TNKS: variants seen among roughly 807,000 people sequenced by gnomAD.
The protein encoded by TNKS is poly [ADP-ribose] polymerase tankyrase-1.
A neutral mutation model predicts 135.8 loss-of-function variants in TNKS; 72 were observed. The ratio of observed to expected loss-of-function variants is 0.53; its 90% CI spans 0.44 to 0.64. The LOEUF (loss-of-function observed/expected upper bound fraction) is 0.64, where lower values mean the gene tolerates loss of function less well. Among genes scored for constraint, TNKS ranks in the 30% least tolerant of loss-of-function variants. The pLI, the probability that TNKS is intolerant of heterozygous loss-of-function variation, is 0.00. For synonymous variants in TNKS, 849 were observed against 649.3 expected (o/e 1.31, Z -4.68); for missense variants, 1,769 against 1,674.0 (o/e 1.06, Z -0.99).
At chr8:9,767,355 T>G (rs1468088289) in intron 25 of TNKS, among the ~76,000 whole-genome samples, 1 of 152,152 alleles carries the variant, frequency 6.6e-6, no homozygotes, top group Non-Finnish European at 1.5e-5. Flanking sequence ...TACAAAAGAA[T>G]TATACTGTAC....
intron 2 of TNKS, among the ~76,000 whole-genome samples, chr8:9,592,809 A>T (rs1366431641): frequency 6.6e-6 from 1 of 152,146 alleles, no homozygotes; most frequent in African/African-American, 2.4e-5. Context: ...CTACTTCTTG[A>T]TTAGGTGATA....
At chr8:9,710,759 G>A (rs1404398965) in intron 11 of TNKS, among the ~76,000 whole-genome samples, 2 of 152,116 alleles carry the variant, frequency 1.3e-5, no homozygotes, top group Non-Finnish European at 2.9e-5. Flanking sequence ...AGCCGGGCGT[G>A]GTGGCGGGTG....
intron 3 of TNKS, among the ~76,000 whole-genome samples, chr8:9,657,674 G>A (rs1220520958): frequency 8.3e-5 from 7 of 83,908 alleles, no homozygotes; most frequent in Non-Finnish European, 1.5e-4. Context: ...TCTCCCTCCC[G>A]GACGGGGTGG....
intron 5 of TNKS, among the ~76,000 whole-genome samples, chr8:9,682,343 C>G (rs1247571489): frequency 2.0e-5 from 3 of 152,114 alleles, no homozygotes; most frequent in Admixed American, 2.0e-4. Flanking sequence ...CCTTACCCTT[C>G]TACTTTGACA....
At chr8:9,724,016 A>T (rs909801117) in intron 12 of TNKS, among the ~76,000 whole-genome samples, 5 of 152,208 alleles carry the variant, frequency 3.3e-5, no homozygotes, top group Admixed American at 2.0e-4. Flanking sequence ...TGATCAAACT[A>T]CTAAGTCTAT....
chr8:9,715,363 G>T (rs373932156), intron 11 of TNKS, among the ~76,000 whole-genome samples: 9 of 86,442 alleles, frequency 1.0e-4, no homozygotes, highest in East Asian at 3.0e-4. Context: ...TAGCAGCAGG[G>T]GGGGCGGGTA....
intron 21 of TNKS, among the ~76,000 whole-genome samples, chr8:9,762,535 G>A (rs1223371093): frequency 1.3e-4 from 20 of 151,960 alleles, no homozygotes; most frequent in Non-Finnish European, 2.9e-5. Context: ...ATAGCTTCAT[G>A]TATGTTCATG....
intron 3 of TNKS, among the ~76,000 whole-genome samples, chr8:9,644,229 C>A (rs1393430415): frequency 6.6e-6 from 1 of 152,062 alleles, no homozygotes; most frequent in Admixed American, 6.6e-5. Context: ...ATGCTTAATG[C>A]CACTGTGTAC....
intron 3 of TNKS, among the ~76,000 whole-genome samples, chr8:9,653,236 G>A (rs907515386): frequency 3.9e-5 from 6 of 152,166 alleles, no homozygotes; most frequent in Non-Finnish European, 4.4e-5. Context: ...AGTGTTTGTT[G>A]CTTAATGAAC....
intron 18 of TNKS, among the ~76,000 whole-genome samples, 185 bp downstream of exon 18, chr8:9,748,397 C>T (rs900854455): frequency 2.6e-5 from 4 of 152,180 alleles, no homozygotes; most frequent in Non-Finnish European, 4.4e-5. Context: ...ACAAACTAAA[C>T]AGTAAGTTAA....
chr8:9,768,609 C>T (rs1807607855), intron 25 of TNKS, among the ~76,000 whole-genome samples: 1 of 152,348 alleles, frequency 6.6e-6, no homozygotes, highest in South Asian at 2.1e-4. Flanking sequence ...TGAGCAGGTC[C>T]CACGTCATCT....
chr8:9,655,629 A>G (rs999682648), intron 3 of TNKS, among the ~76,000 whole-genome samples: 1 of 152,228 alleles, frequency 6.6e-6, no homozygotes, highest in Non-Finnish European at 1.5e-5. Context: ...ACCCAGACAA[A>G]CAGGGTCTGG....
At chr8:9,700,840 C>G (rs778851628) in intron 5 of TNKS, among the ~76,000 whole-genome samples, 2 of 151,988 alleles carry the variant, frequency 1.3e-5, no homozygotes, top group African/African-American at 4.8e-5. Flanking sequence ...AGTTTAAAAA[C>G]TAAATATATT....
chr8:9,742,242 G>A (rs1019006501), intron 17 of TNKS, among the ~76,000 whole-genome samples: 10 of 151,614 alleles, frequency 6.6e-5, no homozygotes, highest in African/African-American at 2.2e-4. Flanking sequence ...TAAAAATCAG[G>A]CATCCGTGAG....
chr8:9,565,191 A>G (rs1351719894), intron 1 of TNKS, among the ~76,000 whole-genome samples: 1 of 152,228 alleles, frequency 6.6e-6, no homozygotes. Flanking sequence ...ATCTGTTTAT[A>G]GAATTAAAGC....
At chr8:9,767,958 CAAAA>C (rs1030767438) in intron 25 of TNKS, among the ~76,000 whole-genome samples, 3 of 68,054 alleles carry the variant, frequency 4.4e-5, no homozygotes, top group Non-Finnish European at 5.8e-5. Flanking sequence ...GACTCCGTCT[CAAAA>C]AAAAAAAAAA....
At chr8:9,693,484 A>G (rs1803372988) in intron 5 of TNKS, among the ~76,000 whole-genome samples, 1 of 152,214 alleles carries the variant, frequency 6.6e-6, no homozygotes, top group African/African-American at 2.4e-5. Flanking sequence ...AAACGTTTAT[A>G]TTATAGTATT....
intron 2 of TNKS, among the ~76,000 whole-genome samples, chr8:9,589,842 C>T (rs1798526067): frequency 6.6e-6 from 1 of 152,228 alleles, no homozygotes; most frequent in Admixed American, 6.5e-5. Flanking sequence ...GATCTTAATA[C>T]TCTTTGTGAA....
intron 2 of TNKS, among the ~76,000 whole-genome samples, chr8:9,607,386 G>C (rs537972439): frequency 1.3e-5 from 2 of 152,132 alleles, no homozygotes; most frequent in Non-Finnish European, 2.9e-5. Context: ...AGTTAGAAAA[G>C]GGAAGAGTAT....
Sources: allele counts gnomAD v4.1 joint callset (sites outside exome capture counted in the v4.1 genomes callset), GRCh38; gene constraint gnomAD v4.1.1; transcripts MANE v1.5; gene names NCBI Gene and HGNC (gene_info 2026-07-23, HGNC 2026-07-21).